Variants in ZNF148 observed in about 807,000 individuals in gnomAD.
The protein encoded by ZNF148 is Beta-Enolase Repressor Factor-1.
A neutral mutation model predicts 67.7 loss-of-function variants in ZNF148; 7 were observed. The ratio of observed to expected loss-of-function variants is 0.10; its 90% CI spans 0.06 to 0.19. The LOEUF (loss-of-function observed/expected upper bound fraction) is 0.19. Ranked by LOEUF, ZNF148 falls within the 10% of genes least tolerant of loss-of-function variation. The pLI is 1.00. For synonymous variants in ZNF148, 333 were observed against 330.7 expected (o/e 1.01, Z -0.08); for missense variants, 583 against 947.1 (o/e 0.62, Z 5.05).
intron 7 of ZNF148, among the ~76,000 whole-genome samples, chr3:125,239,361 A>G (rs1936241483): frequency 6.6e-6 from 1 of 152,226 alleles, no homozygotes; most frequent in Non-Finnish European, 1.5e-5. Context: ...AAAATAGGCA[A>G]TGGATCTGAA....
intron 7 of ZNF148, among the ~76,000 whole-genome samples, chr3:125,265,063 G>A (rs1467069257): frequency 6.6e-6 from 1 of 152,130 alleles, no homozygotes; most frequent in Admixed American, 6.5e-5. Flanking sequence ...AACAGCTTTC[G>A]AATACAAAAT....
intron 3 of ZNF148, 25 bp from the exon 4 acceptor site, chr3:125,313,681 A>C: frequency 6.4e-7 from 1 of 1,553,990 alleles, no homozygotes; most frequent in Non-Finnish European, 8.8e-7. Flanking sequence ...TTGGCAACAA[A>C]ACATAGTAAA....
intron 4 of ZNF148, among the ~76,000 whole-genome samples, chr3:125,294,749 G>T (rs1005961777): frequency 1.3e-5 from 2 of 151,986 alleles, no homozygotes. Flanking sequence ...TAAAAAAATA[G>T]AAAACTAAGG....
chr3:125,276,095 T>C (rs1938047614), intron 7 of ZNF148, among the ~76,000 whole-genome samples: 1 of 152,220 alleles, frequency 6.6e-6, no homozygotes, highest in Non-Finnish European at 1.5e-5. Flanking sequence ...TTTCTGGTGC[T>C]TGAAAAACAC....
intron 7 of ZNF148, among the ~76,000 whole-genome samples, chr3:125,248,349 G>A (rs533226565): frequency 3.3e-5 from 5 of 152,228 alleles, no homozygotes; most frequent in Admixed American, 2.6e-4. Context: ...GAAAACAAGT[G>A]CCCTATAATA....
intron 7 of ZNF148, among the ~76,000 whole-genome samples, chr3:125,261,261 A>C (rs745817222): frequency 3.3e-5 from 5 of 152,170 alleles, no homozygotes; most frequent in Non-Finnish European, 7.4e-5. Flanking sequence ...CCATTGTTTG[A>C]ACTAAAGACC....
intron 4 of ZNF148, among the ~76,000 whole-genome samples, chr3:125,298,343 G>GCGCACACACACACA (rs1939394023): frequency 3.2e-5 from 1 of 31,444 alleles, no homozygotes; most frequent in African/African-American, 2.3e-4. Flanking sequence ...TTATAAATGT[G>GCGCACACACACACA]CATACACACA....
chr3:125,331,176 G>GCAAA lies in ZNF148; in HGVS notation c.-175_-172dup. On this transcript the variant is annotated 5_prime_UTR_variant, in exon 2 of 9. An upstream open reading frame in the 5' UTR loses its in-frame stop. Coordinates refer to ENST00000360647, the MANE Select transcript of ZNF148 (RefSeq NM_021964.3). ...GAATTACCTCCATTAAATACGTTAG[G>GCAAA]CAAACGCCCATCCCGCCAGATCACG... 1 of 398,466 alleles carries GCAAA rather than the reference G, an allele frequency of 2.5e-6. No individual in the cohort carries two copies. Among genetic ancestry groups the GCAAA allele is most frequent in the Non-Finnish European group, 4.4e-6 (1 of 226,030 alleles). The allele number at this position is 398,466 out of a possible 1,614,324, so 24.7% of individuals were successfully genotyped here.
At chr3:125,283,307 T>C (rs1269164356) in intron 5 of ZNF148, among the ~76,000 whole-genome samples, 1 of 152,148 alleles carries the variant, frequency 6.6e-6, no homozygotes, top group Non-Finnish European at 1.5e-5. Context: ...ATTTTTCTCA[T>C]CACCAAATTT....
intron 7 of ZNF148, among the ~76,000 whole-genome samples, chr3:125,270,887 A>G (rs13062873): frequency 0.035 from 5,351 of 152,208 alleles, 146 homozygotes; most frequent in South Asian, 0.083. Flanking sequence ...GAAAACAAAA[A>G]AAGTATTTAA....
chr3:125,358,038 G>A lies in ZNF148; in HGVS notation c.-234+17064C>T, dbSNP rs112685922. Among the ~76,000 whole-genome samples the A allele has an allele frequency of 5.2e-4, 79 of 152,248 alleles. 3 individuals carry two copies. The East Asian group carries it at 0.012, about 24-fold the overall frequency. On this transcript the variant is annotated intron_variant, in intron 1 of 8. Transcript: ENST00000360647. ...AACAAGCTTCATAAATCGGACCGGC[G>A]CGGGGACTCAGGCCTGTAATCCCAG...
At chr3:125,310,496 T>C (rs1445269456) in intron 4 of ZNF148, among the ~76,000 whole-genome samples, 1 of 152,146 alleles carries the variant, frequency 6.6e-6, no homozygotes, top group Non-Finnish European at 1.5e-5. Flanking sequence ...ATTTATAGTA[T>C]GAATGCATAT....
chr3:125,248,249 T>A (rs757915144), intron 7 of ZNF148, among the ~76,000 whole-genome samples: 1 of 152,236 alleles, frequency 6.6e-6, no homozygotes, highest in Non-Finnish European at 1.5e-5. Flanking sequence ...AAACAATGTT[T>A]ACTAAAAAGT....
intron 1 of ZNF148, among the ~76,000 whole-genome samples, chr3:125,340,215 T>TA (rs1409442558): frequency 8.5e-5 from 13 of 152,298 alleles, no homozygotes; most frequent in African/African-American, 3.1e-4. Flanking sequence ...GCAGCTCAGA[T>TA]AGTCACATTC....
chr3:125,340,896 G>T (rs1271930326), intron 1 of ZNF148, among the ~76,000 whole-genome samples: 2 of 148,404 alleles, frequency 1.3e-5, no homozygotes, highest in Non-Finnish European at 3.0e-5. Flanking sequence ...GCTGAGGCAG[G>T]AGAATGGCGT....
At chr3:125,307,983 T>G (rs1216365041) in intron 4 of ZNF148, among the ~76,000 whole-genome samples, 1 of 151,962 alleles carries the variant, frequency 6.6e-6, no homozygotes, top group Non-Finnish European at 1.5e-5. Flanking sequence ...GATGAAAGAG[T>G]AAATGCAGTC....
intron 1 of ZNF148, among the ~76,000 whole-genome samples, chr3:125,348,812 C>A (rs1942040114): frequency 1.3e-5 from 2 of 152,062 alleles, no homozygotes; most frequent in Non-Finnish European, 2.9e-5. Flanking sequence ...TGAAAAAGAA[C>A]AACAAAGCTA....
At chr3:125,317,711 A>T (rs1285093842) in intron 3 of ZNF148, among the ~76,000 whole-genome samples, 1 of 100,730 alleles carries the variant, frequency 9.9e-6, no homozygotes, top group Non-Finnish European at 2.2e-5. Context: ...ATATATATAT[A>T]TATTTTTTTT....
chr3:125,305,537 C>T (rs1560156389), intron 4 of ZNF148, among the ~76,000 whole-genome samples: 2 of 152,156 alleles, frequency 1.3e-5, no homozygotes, highest in Middle Eastern at 3.4e-3. Context: ...AGTGGCCGGG[C>T]GTTGTGGCTC....
Sources: gnomAD v4.1 joint callset for allele counts (sites outside exome capture counted in the v4.1 genomes callset) on GRCh38, gnomAD v4.1.1 for gene constraint, MANE v1.5 for transcripts, NCBI Gene and HGNC (gene_info 2026-07-23, HGNC 2026-07-21) for gene names.